C1QTNF3: variants seen among roughly 807,000 people sequenced by gnomAD.
C1QTNF3 encodes C1q and TNF related 3.
A neutral mutation model predicts 32.6 loss-of-function variants in C1QTNF3; 26 were observed. That is an observed-to-expected ratio of 0.80 (90% CI 0.58 to 1.11). The LOEUF is 1.11. Ranked by LOEUF, C1QTNF3 falls within the 50% of genes least tolerant of loss-of-function variation. The pLI, the probability that C1QTNF3 is intolerant of heterozygous loss-of-function variation, is 0.00. For missense variants in C1QTNF3, 362 were observed against 398.2 expected (o/e 0.91, Z 0.77); for synonymous variants, 155 against 146.0 (o/e 1.06, Z -0.44).
the C1QTNF3 span, chr5:34,168,284 CGTGTGTGTGT>C: frequency 7.3e-5 from 10 of 136,736 alleles, no homozygotes; most frequent in Admixed American, 1.5e-4. Flanking sequence ...TGTGTGCATG[CGTGTGTGTGT>C]GTGTGTGTGT....
chr5:34,083,561 A>G, the C1QTNF3 span, among the ~76,000 whole-genome samples: 1 of 151,666 alleles, frequency 6.6e-6, no homozygotes, highest in Non-Finnish European at 1.5e-5. Context: ...TTCAGGAAAC[A>G]GACCATATTT....
chr5:34,197,252 A>G, the C1QTNF3 span, among the ~76,000 whole-genome samples: 1 of 152,424 alleles, frequency 6.6e-6, no homozygotes, highest in South Asian at 2.1e-4. Flanking sequence ...TCACAAATAT[A>G]AAAATGACTA....
At chr5:34,060,649 T>C in the C1QTNF3 span, among the ~76,000 whole-genome samples, 5 of 152,142 alleles carry the variant, frequency 3.3e-5, no homozygotes, top group African/African-American at 4.8e-5. Flanking sequence ...ACATCTTACA[T>C]GGATGGTAGC....
At chr5:34,132,429 GTGTATGTA>G in the C1QTNF3 span, among the ~76,000 whole-genome samples, 3 of 34,370 alleles carry the variant, frequency 8.7e-5, no homozygotes, top group East Asian at 1.2e-3. Context: ...GTATGTGTAT[GTGTATGTA>G]TATATATATA....
chr5:34,035,862 C>G, intron 1 of C1QTNF3, 104 bp from the exon 2 acceptor site: 2 of 790,976 alleles, frequency 2.5e-6, no homozygotes, highest in African/African-American at 1.7e-5. Flanking sequence ...TAATTCCAAT[C>G]GAATCACAGC....
At chr5:34,113,658 T>C in the C1QTNF3 span, among the ~76,000 whole-genome samples, 3 of 152,130 alleles carry the variant, frequency 2.0e-5, no homozygotes, top group African/African-American at 7.2e-5. Context: ...ACATTACATC[T>C]TTACTCTCTC....
Position 34,033,285 on chromosome 5 carries a change from T to A in C1QTNF3, c.570+19A>T, listed in dbSNP as rs1754661406. On this transcript the variant is annotated intron_variant, in intron 3 of 5. Transcript: ENST00000382065. ...GGCAGGTTGGAAAGCCACCAGGAGA[T>A]GTACCGAGGATGGTTTACCTGAAGT... 6.2e-7 allele frequency: 1 copy of A among 1,611,972 alleles called. No homozygotes were observed. The highest frequency in any genetic ancestry group is 2.2e-5 in the East Asian group (1 of 44,858).
the C1QTNF3 span, chr5:34,175,522 T>C: frequency 3.3e-6 from 1 of 302,408 alleles, no homozygotes; most frequent in Non-Finnish European, 6.3e-6. Flanking sequence ...AGGTCCAGTG[T>C]TTCCTTCATC....
chr5:34,062,820 G>A, the C1QTNF3 span, among the ~76,000 whole-genome samples: 1 of 152,292 alleles, frequency 6.6e-6, no homozygotes, highest in African/African-American at 2.4e-5. Flanking sequence ...TTTTCTAACA[G>A]AATGGCCCCA....
At chr5:34,074,801 A>C in the C1QTNF3 span, among the ~76,000 whole-genome samples, 2 of 151,614 alleles carry the variant, frequency 1.3e-5, no homozygotes, top group African/African-American at 4.9e-5. Context: ...TCACTTTTCT[A>C]ATCCGTTCGA....
At chr5:34,143,178 C>A in the C1QTNF3 span, among the ~76,000 whole-genome samples, 6 of 152,156 alleles carry the variant, frequency 3.9e-5, no homozygotes, top group Admixed American at 2.0e-4. Context: ...AGGAAAGAAT[C>A]TCAGAGCTCA....
At chr5:34,135,115 G>A in the C1QTNF3 span, among the ~76,000 whole-genome samples, 6 of 152,178 alleles carry the variant, frequency 3.9e-5, no homozygotes, top group South Asian at 2.1e-4. Context: ...TTTATTGAAC[G>A]TTTTCAGCAT....
At chr5:34,115,490 G>A in the C1QTNF3 span, among the ~76,000 whole-genome samples, 1 of 152,072 alleles carries the variant, frequency 6.6e-6, no homozygotes, top group African/African-American at 2.4e-5. Flanking sequence ...CAGCACTTTG[G>A]GAGGCCTAGG....
the C1QTNF3 span, among the ~76,000 whole-genome samples, chr5:34,087,629 A>G: frequency 4.7e-5 from 6 of 127,044 alleles, no homozygotes; most frequent in Non-Finnish European, 7.7e-5. Context: ...GCTGAAGTAC[A>G]CTGGCACCAT....
chr5:34,035,787 A>C, intron 1 of C1QTNF3, 29 bp from the exon 2 acceptor site: 7 of 1,557,142 alleles, frequency 4.5e-6, no homozygotes, highest in Non-Finnish European at 6.2e-6. Context: ...AAGCTTCAGA[A>C]AAAAAGGTAC....
the C1QTNF3 span, among the ~76,000 whole-genome samples, chr5:34,217,796 T>C: frequency 6.6e-6 from 1 of 152,086 alleles, no homozygotes; most frequent in African/African-American, 2.4e-5. Flanking sequence ...ACCTATGGAA[T>C]GTTAACAGGC....
chr5:34,114,329 G>C, the C1QTNF3 span, among the ~76,000 whole-genome samples: 1 of 152,056 alleles, frequency 6.6e-6, no homozygotes, highest in African/African-American at 2.4e-5. Context: ...CACTGAAAAA[G>C]AGGTAACTAA....
the C1QTNF3 span, among the ~76,000 whole-genome samples, chr5:34,135,318 C>A: frequency 6.6e-6 from 1 of 152,106 alleles, no homozygotes; most frequent in African/African-American, 2.4e-5. Flanking sequence ...ATTCAGTTTG[C>A]CAGTATTTCA....
chr5:34,052,583 T>A, the C1QTNF3 span, among the ~76,000 whole-genome samples: 1 of 152,250 alleles, frequency 6.6e-6, no homozygotes, highest in Admixed American at 6.5e-5. Flanking sequence ...CTTTGTCCTT[T>A]CTAAGTCTCA....
Sources: gnomAD v4.1 joint callset for allele counts (sites outside exome capture counted in the v4.1 genomes callset) on GRCh38, gnomAD v4.1.1 for gene constraint, MANE v1.5 for transcripts, NCBI Gene and HGNC (gene_info 2026-07-23, HGNC 2026-07-21) for gene names.